The following RRP15 variants were observed in gnomAD, a reference collection of about 807,000 sequenced individuals.
RRP15 encodes the protein RRP15-like protein.
A neutral mutation model predicts 27.1 loss-of-function variants in RRP15; 18 were observed. The ratio of observed to expected loss-of-function variants is 0.66; its 90% CI spans 0.46 to 0.98. RRP15 has a LOEUF of 0.98. Among genes scored for constraint, RRP15 ranks in the 50% least tolerant of loss-of-function variants. The pLI is 0.00. For synonymous variants in RRP15, 107 were observed against 109.4 expected, an observed-to-expected ratio of 0.98 and a Z score of 0.14; for missense variants, 359 against 337.8, an observed-to-expected ratio of 1.06 and a Z score of -0.49.
At chr1:218,287,509 G>A (rs889541166) in intron 1 of RRP15, among the ~76,000 whole-genome samples, 11 of 152,254 alleles carry the variant, frequency 7.2e-5, no homozygotes, top group African/African-American at 2.6e-4. Context: ...TCTAGGTGTT[G>A]AGGATACAAA....
At chr1:218,313,175 G>T (rs1656029544) in intron 4 of RRP15, among the ~76,000 whole-genome samples, 1 of 152,156 alleles carries the variant, frequency 6.6e-6, no homozygotes. Context: ...CTGTTGCTCA[G>T]TTAGTGAAGA....
chr1:218,316,720 T>C (rs1243382399), intron 4 of RRP15, among the ~76,000 whole-genome samples: 1 of 152,224 alleles, frequency 6.6e-6, no homozygotes, highest in African/African-American at 2.4e-5. Context: ...ATGTTTGCAA[T>C]AATTTTTATT....
At chr1:218,302,127 A>T (rs1482838021) in intron 1 of RRP15, among the ~76,000 whole-genome samples, 167 bp from the exon 2 acceptor site, 1 of 152,032 alleles carries the variant, frequency 6.6e-6, no homozygotes, top group Non-Finnish European at 1.5e-5. Flanking sequence ...TGGCAATGGG[A>T]TAGATGGTCC....
chr1:218,316,129 A>G (rs1389706655), intron 4 of RRP15, among the ~76,000 whole-genome samples: 1 of 152,196 alleles, frequency 6.6e-6, no homozygotes, highest in East Asian at 1.9e-4. Context: ...ATCAAAATGA[A>G]CTTAGGTTTG....
Position 218,337,488 on chromosome 1 carries a change from T to C in RRP15, c.*6397T>C, listed in dbSNP as rs1656467470. 1 of 152,192 alleles carries C rather than the reference T, an allele frequency of 6.6e-6. No homozygotes were observed. The highest frequency in any genetic ancestry group is 1.5e-5 in the Non-Finnish European group (1 of 68,032). 9.4% of individuals were successfully genotyped at this position (152,192 alleles called of 1,614,324 possible). On this transcript the variant is annotated 3_prime_UTR_variant, in exon 5 of 5. Coordinates refer to ENST00000366932, the MANE Select transcript of RRP15 (RefSeq NM_016052.4). ...TACATAAACTATCGAACCACCAGTC[T>C]TCTGTCAATTCCTTTTAAAATGATG...
intron 1 of RRP15, among the ~76,000 whole-genome samples, chr1:218,301,075 G>A (rs1431811391): frequency 6.6e-6 from 1 of 152,266 alleles, no homozygotes; most frequent in East Asian, 1.9e-4. Context: ...TACTTTGATA[G>A]GAAAAGTTTC....
At chr1:218,324,874 A>G (rs1325733179) in intron 4 of RRP15, among the ~76,000 whole-genome samples, 1 of 151,984 alleles carries the variant, frequency 6.6e-6, no homozygotes, top group African/African-American at 2.4e-5. Flanking sequence ...TTCCTTTATT[A>G]ATTTAGTTTT....
At chr1:218,296,085 G>A (rs1655714836) in intron 1 of RRP15, among the ~76,000 whole-genome samples, 1 of 152,156 alleles carries the variant, frequency 6.6e-6, no homozygotes, top group Non-Finnish European at 1.5e-5. Flanking sequence ...AAATCAGAAT[G>A]AGGATGGTGA....
intron 4 of RRP15, among the ~76,000 whole-genome samples, chr1:218,308,879 T>G (rs141430749): frequency 6.6e-6 from 1 of 152,342 alleles, no homozygotes. Context: ...CATTTTACTG[T>G]AAGAGTTAGA....
Position 218,285,707 on chromosome 1 carries a change from A to T in RRP15, c.139+252A>T, listed in dbSNP as rs532390995. Among the ~76,000 whole-genome samples the T allele has an allele frequency of 1.9e-3, 295 of 152,276 alleles. 2 individuals carry two copies. Among genetic ancestry groups the T allele is most frequent in the African/African-American group, 6.7e-3 (277 of 41,544 alleles). On this transcript the variant is annotated intron_variant, in intron 1 of 4. Coordinates refer to ENST00000366932, the MANE Select transcript of RRP15 (RefSeq NM_016052.4). ...AGGGTCACCATTATTAATTATAATA[A>T]AATGGGTGAAACACCTGCAGCTACC...
At chr1:218,307,731 T>A in intron 4 of RRP15, 99 bp downstream of exon 4, 1 of 838,948 alleles carries the variant, frequency 1.2e-6, no homozygotes, top group Non-Finnish European at 1.8e-6. Context: ...GTTTTGTGTT[T>A]TTTTCCTAAA....
chr1:218,317,653 A>G (rs992819071), intron 4 of RRP15, among the ~76,000 whole-genome samples: 7 of 152,108 alleles, frequency 4.6e-5, no homozygotes, highest in African/African-American at 7.2e-5. Context: ...ATTTACTAGA[A>G]ATCAAATGCA....
chr1:218,327,715 T>C (rs552961490), intron 4 of RRP15, among the ~76,000 whole-genome samples: 3 of 152,338 alleles, frequency 2.0e-5, no homozygotes, highest in African/African-American at 4.8e-5. Context: ...GTCTTTTTTT[T>C]CCAAATTGTT....
In RRP15 at chr1:218,323,740, G is replaced by A. The variant is rs141202058; in HGVS notation, c.706-7208G>A. The stretch of plus-strand genomic sequence containing the variant: ...CTCGGCCTCCCTCTCATGCTTGTTG[G>A]CACCCAAAGTCCGGAGGGGGCCAAG... On this transcript the variant is annotated intron_variant, in intron 4 of 4. Coordinates refer to ENST00000366932, the MANE Select transcript of RRP15 (RefSeq NM_016052.4). 2.4e-3 allele frequency among the ~76,000 whole-genome samples: 361 copies of A among 152,284 alleles called. 3 individuals are homozygous for A. Among genetic ancestry groups the A allele is most frequent in the African/African-American group, 8.4e-3 (349 of 41,564 alleles).
intron 1 of RRP15, among the ~76,000 whole-genome samples, chr1:218,295,379 G>A (rs12239315): frequency 0.023 from 3,425 of 152,114 alleles, 124 homozygotes; most frequent in African/African-American, 0.077. Flanking sequence ...TGTTACTCGG[G>A]GCTGTGATCT....
chr1:218,318,368 G>A (rs553004123), intron 4 of RRP15, among the ~76,000 whole-genome samples: 91 of 151,922 alleles, frequency 6.0e-4, no homozygotes, highest in African/African-American at 1.9e-3. Flanking sequence ...GTTCTCTTTT[G>A]TTCTAGACCA....
At chr1:218,313,686 G>A (rs1656037364) in intron 4 of RRP15, among the ~76,000 whole-genome samples, 1 of 152,116 alleles carries the variant, frequency 6.6e-6, no homozygotes, top group South Asian at 2.1e-4. Flanking sequence ...GGCCACCTGG[G>A]GCAGGCACTA....
At chr1:218,298,636 A>G (rs1159922271) in intron 1 of RRP15, among the ~76,000 whole-genome samples, 2 of 152,188 alleles carry the variant, frequency 1.3e-5, no homozygotes, top group African/African-American at 2.4e-5. Context: ...AGCAGGAGAT[A>G]AGAAATGCGT....
At chr1:218,310,139 TC>T (rs1427868611) in intron 4 of RRP15, among the ~76,000 whole-genome samples, 1 of 152,216 alleles carries the variant, frequency 6.6e-6, no homozygotes, top group Non-Finnish European at 1.5e-5. Context: ...TGCCATTTTT[TC>T]TTATATTTAA....
Sources: allele counts gnomAD v4.1 joint callset (sites outside exome capture counted in the v4.1 genomes callset), GRCh38; gene constraint gnomAD v4.1.1; transcripts MANE v1.5; gene names NCBI Gene and HGNC (gene_info 2026-07-23, HGNC 2026-07-21).